Variants in ABI2 observed in about 807,000 individuals in gnomAD.
ABI2 encodes the protein abl interactor 2, also known as abelson interactor 2.
A neutral mutation model predicts 59.2 loss-of-function variants in ABI2; 25 were observed. The observed-to-expected ratio is 0.42, with a 90% CI of 0.31 to 0.59. The LOEUF is 0.59. Among genes scored for constraint, ABI2 ranks in the 20% least tolerant of loss-of-function variants. The pLI is 0.14. For synonymous variants in ABI2, 213 were observed against 235.5 expected (o/e 0.90, Z 0.87); for missense variants, 545 against 681.8 (o/e 0.80, Z 2.23).
chr2:203,331,429 G>A (rs2073406770), intron 1 of ABI2, among the ~76,000 whole-genome samples: 1 of 136,970 alleles, frequency 7.3e-6, no homozygotes, highest in Non-Finnish European at 1.5e-5. Flanking sequence ...CTCGATCTCT[G>A]CTCACTGCAA....
At chr2:203,416,345 G>A (rs1023734381) in intron 10 of ABI2, among the ~76,000 whole-genome samples, 4 of 151,934 alleles carry the variant, frequency 2.6e-5, no homozygotes, top group Admixed American at 6.6e-5. Flanking sequence ...CTATGGCCCA[G>A]GCTGGAGTGG....
At position 203,431,916 on chromosome 2, in the gene ABI2, A is replaced by G. The variant is rs2098486960; in HGVS notation, c.*4564A>G. The G allele has an allele frequency of 6.6e-6, 1 of 152,148 alleles. No homozygotes were observed. Among genetic ancestry groups the G allele is most frequent in the Non-Finnish European group, 1.5e-5 (1 of 68,020 alleles). The allele number at this position is 152,148 out of a possible 1,614,324, so 9.4% of individuals were successfully genotyped here. On this transcript the variant is annotated 3_prime_UTR_variant, in exon 12 of 12. Coordinates refer to ENST00000261018, the MANE Select transcript of ABI2 (RefSeq NM_001375670.1). ...ACCATTTTTCTTAAAATGGCTTACAAAAAAGAATGTAAACAATTTGTGATC... is the reference window on the plus strand; with the variant it reads ...ACCATTTTTCTTAAAATGGCTTACAGAAAAGAATGTAAACAATTTGTGATC...
At chr2:203,359,991 C>T (rs552362006) in intron 1 of ABI2, among the ~76,000 whole-genome samples, 33 of 151,990 alleles carry the variant, frequency 2.2e-4, no homozygotes, top group Admixed American at 6.6e-4. Context: ...TTGAGACCAT[C>T]CTGGCCAACA....
intron 1 of ABI2, among the ~76,000 whole-genome samples, chr2:203,358,172 AGTG>A (rs2092695026): frequency 6.7e-6 from 1 of 149,958 alleles, no homozygotes; most frequent in Non-Finnish European, 1.5e-5. Flanking sequence ...GCTGGAGCGC[AGTG>A]GTAGTTAGTC....
At chr2:203,392,888 G>A (rs917028755) in intron 5 of ABI2, among the ~76,000 whole-genome samples, 1 of 151,932 alleles carries the variant, frequency 6.6e-6, no homozygotes, top group African/African-American at 2.4e-5. Flanking sequence ...AGTTGCTGAG[G>A]CCCACTCTGC....
chr2:203,372,385 C>A (rs529325762), intron 2 of ABI2, among the ~76,000 whole-genome samples: 1 of 152,256 alleles, frequency 6.6e-6, no homozygotes, highest in African/African-American at 2.4e-5. Flanking sequence ...ACCTTTCCCC[C>A]CTTTCTATTC....
intron 2 of ABI2, among the ~76,000 whole-genome samples, chr2:203,377,485 A>T (rs2095788035): frequency 6.6e-6 from 1 of 152,214 alleles, no homozygotes; most frequent in Non-Finnish European, 1.5e-5. Flanking sequence ...TTATCTGATG[A>T]ACCTTTTATT....
chr2:203,367,117 G>A, intron 2 of ABI2, 73 bp downstream of exon 2: 1 of 1,440,894 alleles, frequency 6.9e-7, no homozygotes, highest in Non-Finnish European at 9.2e-7. Context: ...TGTAATGCTG[G>A]CAGCTTTTAT....
intron 4 of ABI2, among the ~76,000 whole-genome samples, chr2:203,384,625 G>A (rs987438566): frequency 4.6e-5 from 7 of 151,314 alleles, no homozygotes; most frequent in African/African-American, 1.7e-4. Context: ...TCTTTTAGTA[G>A]TAAAAAGAAT....
In ABI2 at chr2:203,431,902, T is replaced by C. The variant is rs888672483; in HGVS notation, c.*4550T>C. On this transcript the variant is annotated 3_prime_UTR_variant, in exon 12 of 12. Coordinates refer to ENST00000261018, the MANE Select transcript of ABI2 (RefSeq NM_001375670.1). ...TTTTGTGTCCATGCACCATTTTTCT[T>C]AAAATGGCTTACAAAAAAGAATGTA... 1 of 152,194 alleles carries C rather than the reference T, an allele frequency of 6.6e-6. No individual in the cohort carries two copies. Among genetic ancestry groups the C allele is most frequent in the African/African-American group, 2.4e-5 (1 of 41,456 alleles). The allele number at this position is 152,194 out of a possible 1,614,324, so 9.4% of individuals were successfully genotyped here.
At chr2:203,414,039 G>A (rs1369985159) in intron 10 of ABI2, among the ~76,000 whole-genome samples, 2 of 151,692 alleles carry the variant, frequency 1.3e-5, no homozygotes, top group African/African-American at 2.4e-5. Flanking sequence ...CCTGAAGCTG[G>A]CTACTGAATT....
At chr2:203,387,053 T>A (rs2096555600) in intron 4 of ABI2, among the ~76,000 whole-genome samples, 1 of 108,696 alleles carries the variant, frequency 9.2e-6, no homozygotes, top group Non-Finnish European at 1.8e-5. Flanking sequence ...GCAGGCTCCC[T>A]TCCTTTTTTT....
At chr2:203,358,256 A>G (rs1328253262) in intron 1 of ABI2, among the ~76,000 whole-genome samples, 1 of 151,980 alleles carries the variant, frequency 6.6e-6, no homozygotes, top group Non-Finnish European at 1.5e-5. Flanking sequence ...CTGCCTCCCA[A>G]GTAGCTGGGA....
intron 4 of ABI2, among the ~76,000 whole-genome samples, chr2:203,387,436 A>G (rs567523364): frequency 2.8e-4 from 42 of 152,252 alleles, no homozygotes; most frequent in African/African-American, 9.9e-4. Context: ...AACTGCTTCT[A>G]CCTCCGGTGG....
intron 5 of ABI2, chr2:203,394,225 G>T (rs993871230): frequency 8.4e-5 from 13 of 153,952 alleles, no homozygotes; most frequent in African/African-American, 2.9e-4. Context: ...AGTTGTTATG[G>T]CTAGTATTGA....
intron 2 of ABI2, among the ~76,000 whole-genome samples, chr2:203,372,614 C>G (rs1268086945): frequency 2.7e-5 from 4 of 150,690 alleles, no homozygotes; most frequent in Non-Finnish European, 5.9e-5. Flanking sequence ...GGACTGACTC[C>G]CCCACCTCCC....
In ABI2 at chr2:203,328,607, T is replaced by C. The variant is rs778067406; in HGVS notation, c.93T>C (p.Asp31=). The change falls in exon 1 of 12, where the codon GAT becomes GAC. Residue 31 remains aspartate, a synonymous_variant. Coordinates refer to ENST00000261018, the MANE Select transcript of ABI2 (RefSeq NM_001375670.1). ...ACACAAATCTGGAACGGGTGGCCGATTACTGCGAGAACAACTACATACAGG... is the reference window on the plus strand; with the variant it reads ...ACACAAATCTGGAACGGGTGGCCGACTACTGCGAGAACAACTACATACAGG... ...DSYTNLERVA[D]YCENNYIQSA... 2 of 1,603,078 alleles carry C rather than the reference T, an allele frequency of 1.2e-6. No individual in the cohort carries two copies. Among genetic ancestry groups the C allele is most frequent in the South Asian group, 2.2e-5 (2 of 90,336 alleles).
chr2:203,411,243 C>G (rs773300888), intron 9 of ABI2, 42 bp from the exon 10 acceptor site: 2 of 1,413,542 alleles, frequency 1.4e-6, no homozygotes, highest in Admixed American at 1.7e-5. Context: ...TAATGTAACT[C>G]GCCCTTATCC....
chr2:203,389,634 T>C (rs900494189), intron 4 of ABI2, among the ~76,000 whole-genome samples: 1 of 152,254 alleles, frequency 6.6e-6, no homozygotes, highest in Non-Finnish European at 1.5e-5. Context: ...TTGACTACTC[T>C]AGCCATATTA....
Sources: gnomAD v4.1 joint callset for allele counts (sites outside exome capture counted in the v4.1 genomes callset) on GRCh38, gnomAD v4.1.1 for gene constraint, MANE v1.5 for transcripts, NCBI Gene and HGNC (gene_info 2026-07-23, HGNC 2026-07-21) for gene names.